The following LRRC8B variants were observed in gnomAD, a reference collection of about 807,000 sequenced individuals.
The protein encoded by LRRC8B is volume-regulated anion channel subunit LRRC8B.
Under a neutral mutation model 58.8 loss-of-function variants are expected in LRRC8B, and 23 were observed. The ratio of observed to expected loss-of-function variants is 0.39; its 90% CI spans 0.28 to 0.55. LRRC8B has a LOEUF of 0.55. Ranked by LOEUF, LRRC8B falls within the 20% of genes least tolerant of loss-of-function variation. The probability of loss-of-function intolerance (pLI) is 0.62; values close to 1 mark genes in which losing one functional copy is unlikely to be tolerated. For missense variants in LRRC8B, 694 were observed against 936.0 expected (o/e 0.74, Z 3.37); for synonymous variants, 359 against 374.1 (o/e 0.96, Z 0.47).
intron 1 of LRRC8B, among the ~76,000 whole-genome samples, chr1:89,556,208 A>C (rs943092340): frequency 3.9e-5 from 6 of 152,184 alleles, no homozygotes; most frequent in Non-Finnish European, 8.8e-5. Flanking sequence ...GAGTTCAGGT[A>C]GCTTCCAGGT....
At chr1:89,588,333 A>T (rs537539532) in intron 5 of LRRC8B, among the ~76,000 whole-genome samples, 6 of 152,244 alleles carry the variant, frequency 3.9e-5, no homozygotes, top group African/African-American at 1.2e-4. Flanking sequence ...AGCCTTTAAC[A>T]TATGAATATG....
Position 89,582,649 on chromosome 1 carries a change from T to A in LRRC8B, c.-2T>A. The A allele has an allele frequency of 6.2e-7, 1 of 1,608,260 alleles. No individual in the cohort carries two copies. Among genetic ancestry groups the A allele is most frequent in the Non-Finnish European group, 8.5e-7 (1 of 1,175,148 alleles). ...GTTTCTGTCCTCCTACAAGGGAAAGTCATGATTACACTAACTGAGCTAAAA... is the reference window on the plus strand; with the variant it reads ...GTTTCTGTCCTCCTACAAGGGAAAGACATGATTACACTAACTGAGCTAAAA... On this transcript the variant is annotated 5_prime_UTR_variant, in exon 5 of 6. Transcript: ENST00000330947.
intron 1 of LRRC8B, among the ~76,000 whole-genome samples, chr1:89,540,741 G>A (rs973447897): frequency 6.6e-6 from 1 of 152,222 alleles, no homozygotes; most frequent in Non-Finnish European, 1.5e-5. Flanking sequence ...ACTGGCAACT[G>A]TGTGGAGGGT....
At position 89,594,504 on chromosome 1, in the gene LRRC8B, G is replaced by C. The variant is rs1655186447; in HGVS notation, c.*1461G>C. ...AAAATACTTTATAGAAATTTAGTAA[G>C]AGTTAAAGCAAAAGACTTTTTTTCC... is the stretch of plus-strand genomic sequence containing the variant. On this transcript the variant is annotated 3_prime_UTR_variant, in exon 6 of 6. Transcript: ENST00000330947. 1 of 152,118 alleles carries C rather than the reference G, an allele frequency of 6.6e-6. No homozygotes were observed. The highest frequency in any genetic ancestry group is 1.5e-5 in the Non-Finnish European group (1 of 67,998). The allele number at this position is 152,118 out of a possible 1,614,324, so 9.4% of individuals were successfully genotyped here. A position where few individuals can be genotyped will look rare whatever the true frequency, so the allele number is the denominator to read the frequency against.
intron 1 of LRRC8B, among the ~76,000 whole-genome samples, chr1:89,545,379 G>C (rs1440485710): frequency 6.6e-6 from 1 of 152,182 alleles, no homozygotes; most frequent in Non-Finnish European, 1.5e-5. Context: ...AAGAATGACT[G>C]AAATTAATTC....
Position 89,583,182 on chromosome 1 carries a change from G to T in LRRC8B, c.532G>T (p.Val178Leu), listed in dbSNP as rs1252033537. 6.2e-7 allele frequency: 1 copy of T among 1,614,192 alleles called. No individual in the cohort carries two copies. Among genetic ancestry groups the T allele is most frequent in the South Asian group, 1.1e-5 (1 of 91,078 alleles). Reference sequence around the variant, plus strand: ...TTCAGAAACAGTGGCTGAGCAGTCAGTGAGGCCTCTGAAACTCTCCAAGTC... The same window carrying T: ...TTCAGAAACAGTGGCTGAGCAGTCATTGAGGCCTCTGAAACTCTCCAAGTC... ...ALSETVAEQS[V>L]RPLKLSKSKI... The change falls in exon 5 of 6, where the codon GTG (valine) becomes TTG (leucine). Residue 178 changes from valine to leucine, a missense_variant. Coordinates refer to ENST00000330947, the MANE Select transcript of LRRC8B (RefSeq NM_001369817.2). The surrounding 1 kb of genome is among the most constrained non-coding windows in gnomAD (Gnocchi z 5.2).
chr1:89,580,106 C>G (rs548410507), intron 4 of LRRC8B, among the ~76,000 whole-genome samples: 107 of 152,190 alleles, frequency 7.0e-4, no homozygotes, highest in Admixed American at 3.1e-3. Context: ...ACCTTGGGAA[C>G]AAATCCACTA....
Position 89,596,482 on chromosome 1 carries a change from G to A in LRRC8B, c.*3439G>A, listed in dbSNP as rs901195514. ...TTTGATAGTGAAAAATTTTTTTTCG[G>A]TTCAAGTGTTTTGTGATTAAAATTT... On this transcript the variant is annotated 3_prime_UTR_variant, in exon 6 of 6. Coordinates refer to ENST00000330947, the MANE Select transcript of LRRC8B (RefSeq NM_001369817.2). The A allele has an allele frequency of 6.6e-6, 1 of 151,950 alleles. No individual in the cohort carries two copies. Among genetic ancestry groups the A allele is most frequent in the African/African-American group, 2.4e-5 (1 of 41,368 alleles). The allele number at this position is 151,950 out of a possible 1,614,324, so 9.4% of individuals were successfully genotyped here. A position where few individuals can be genotyped will look rare whatever the true frequency, so the allele number is the denominator to read the frequency against.
intron 1 of LRRC8B, among the ~76,000 whole-genome samples, chr1:89,536,121 A>G (rs1194241605): frequency 2.6e-5 from 4 of 152,164 alleles, no homozygotes; most frequent in African/African-American, 9.7e-5. Context: ...CCAACACATC[A>G]CTTACTATGA....
At chr1:89,544,473 A>G (rs749067865) in intron 1 of LRRC8B, among the ~76,000 whole-genome samples, 2 of 152,224 alleles carry the variant, frequency 1.3e-5, no homozygotes, top group African/African-American at 2.4e-5. Flanking sequence ...ACTATTGCTA[A>G]GTCATATTAA....
chr1:89,554,683 A>C (rs540523863), intron 1 of LRRC8B, among the ~76,000 whole-genome samples: 2 of 152,146 alleles, frequency 1.3e-5, no homozygotes, highest in African/African-American at 4.8e-5. Context: ...CCTTTCTTCA[A>C]CTGAGAGTCA....
At chr1:89,591,169 C>T (rs372617984) in intron 5 of LRRC8B, among the ~76,000 whole-genome samples, 5 of 152,226 alleles carry the variant, frequency 3.3e-5, no homozygotes, top group Admixed American at 2.6e-4. Context: ...GCACTCAGCA[C>T]GTGCTCACTG....
At chr1:89,530,881 T>G (rs1222635417) in intron 1 of LRRC8B, among the ~76,000 whole-genome samples, 2 of 152,156 alleles carry the variant, frequency 1.3e-5, no homozygotes, top group Non-Finnish European at 1.5e-5. Context: ...CGTGTCCTGC[T>G]GAGCTATTAG....
chr1:89,537,543 G>A (rs547379913), intron 1 of LRRC8B, among the ~76,000 whole-genome samples: 42 of 152,234 alleles, frequency 2.8e-4, no homozygotes, highest in African/African-American at 1.0e-3. Context: ...CATGATCTCG[G>A]CTCACTGTAA....
At chr1:89,564,619 A>G (rs1411819279) in intron 1 of LRRC8B, among the ~76,000 whole-genome samples, 1 of 152,150 alleles carries the variant, frequency 6.6e-6, no homozygotes, top group East Asian at 1.9e-4. Flanking sequence ...TTTCCATTCA[A>G]CAGATAATTA....
rs774312307 is a variant in LRRC8B, at chr1:89,583,922, G to A, written c.1272G>A (p.Leu424=). ...AAAATGCCCAGGACAAGATAGAACTGCATCTTTTTATGCTCAACGGTCTTC... is the reference window on the plus strand; with the variant it reads ...AAAATGCCCAGGACAAGATAGAACTACATCTTTTTATGCTCAACGGTCTTC... ...LVKNAQDKIE[L]HLFMLNGLPD... Residue 424 remains leucine, a synonymous_variant, in exon 5 of 6, where the codon CTG becomes CTA. Transcript: ENST00000330947. The surrounding 1 kb of genome is among the most constrained non-coding windows in gnomAD (Gnocchi z 5.2). 1 of 1,614,210 alleles carries A rather than the reference G, an allele frequency of 6.2e-7. No homozygotes were observed. Among genetic ancestry groups the A allele is most frequent in the Admixed American group, 1.7e-5 (1 of 60,026 alleles).
chr1:89,559,960 C>A (rs922106), intron 1 of LRRC8B, among the ~76,000 whole-genome samples: 60,349 of 151,970 alleles, frequency 0.4, 13,461 homozygotes, highest in South Asian at 0.55. Flanking sequence ...TCAATCCTCA[C>A]CACTCCAGAG....
At chr1:89,566,649 A>G (rs1293148038) in intron 1 of LRRC8B, among the ~76,000 whole-genome samples, 1 of 152,242 alleles carries the variant, frequency 6.6e-6, no homozygotes, top group Admixed American at 6.5e-5. Flanking sequence ...ACCAGGCTCA[A>G]ATTCCAAAAT....
At chr1:89,555,891 T>G (rs1652151142) in intron 1 of LRRC8B, among the ~76,000 whole-genome samples, 1 of 152,224 alleles carries the variant, frequency 6.6e-6, no homozygotes, top group African/African-American at 2.4e-5. Flanking sequence ...ATTTGGCCTT[T>G]GCCCCCATGT....
Sources: allele counts gnomAD v4.1 joint callset (sites outside exome capture counted in the v4.1 genomes callset), GRCh38; gene constraint gnomAD v4.1.1; non-coding constraint Gnocchi (gnomAD v3.1); transcripts MANE v1.5; gene names NCBI Gene and HGNC (gene_info 2026-07-23, HGNC 2026-07-21).